The following APBA2 variants were observed in gnomAD, a reference collection of about 807,000 sequenced individuals.
APBA2 encodes amyloid-beta A4 precursor protein-binding family A member 2.
A neutral mutation model predicts 75.0 loss-of-function variants in APBA2; 30 were observed. That is an observed-to-expected ratio of 0.40 (90% CI 0.30 to 0.54). APBA2 has a LOEUF of 0.54. APBA2 is among the 20% of genes least tolerant of loss of function. APBA2 has a pLI of 0.49. For missense variants in APBA2, 801 were observed against 1,016.1 expected (o/e 0.79, Z 2.88); for synonymous variants, 444 against 409.6 (o/e 1.08, Z -1.01).
At chr15:28,892,317 C>T (rs955632274) in intron 1 of APBA2, among the ~76,000 whole-genome samples, 9 of 152,300 alleles carry the variant, frequency 5.9e-5, no homozygotes, top group East Asian at 5.8e-4. Flanking sequence ...CCTCATGATC[C>T]GCCCACCTCG....
intron 2 of APBA2, among the ~76,000 whole-genome samples, chr15:28,957,246 TAA>T (rs60656958): frequency 0.27 from 41,255 of 151,470 alleles, 10,583 homozygotes; most frequent in African/African-American, 0.66. Context: ...CTAATTTTTT[TAA>T]GTATTTTTAG....
chr15:29,098,873 C>T (rs2043982321), intron 9 of APBA2, among the ~76,000 whole-genome samples: 2 of 152,194 alleles, frequency 1.3e-5, no homozygotes, highest in African/African-American at 4.8e-5. Flanking sequence ...ACAGAGGAGG[C>T]AGCAGCCCCC....
chr15:28,962,508 A>G (rs577192027), intron 2 of APBA2, among the ~76,000 whole-genome samples: 4 of 152,166 alleles, frequency 2.6e-5, no homozygotes, highest in East Asian at 1.9e-4. Context: ...GGCGGAGGTT[A>G]CAGTGAGCAG....
intron 3 of APBA2, among the ~76,000 whole-genome samples, chr15:29,028,861 G>GT (rs542916441): frequency 2.6e-5 from 4 of 151,640 alleles, no homozygotes; most frequent in South Asian, 4.2e-4. Flanking sequence ...GGTTGTTTGG[G>GT]TTTTTTTTCT....
chr15:28,964,316 T>C (rs2036624312), intron 2 of APBA2, among the ~76,000 whole-genome samples: 1 of 152,190 alleles, frequency 6.6e-6, no homozygotes, highest in Admixed American at 6.5e-5. Flanking sequence ...CTTGCCAGCA[T>C]TTGGTGTTAT....
chr15:29,090,796 C>T (rs2043525315), intron 6 of APBA2, among the ~76,000 whole-genome samples: 2 of 152,126 alleles, frequency 1.3e-5, no homozygotes, highest in South Asian at 2.1e-4. Flanking sequence ...TCACTGGGGA[C>T]GGCAAGGTGG....
chr15:29,071,483 G>A (rs80281685), intron 4 of APBA2, among the ~76,000 whole-genome samples: 4,825 of 151,416 alleles, frequency 0.032, 172 homozygotes, highest in African/African-American at 0.078. Context: ...ATGGGACCCC[G>A]TGTCCTCTGT....
In APBA2 at chr15:29,104,444, T is replaced by A. The variant is rs536447129; in HGVS notation, c.1525-935T>A. Among the ~76,000 whole-genome samples, 3 of 152,350 alleles carry A rather than the reference T, an allele frequency of 2.0e-5. No homozygotes were observed. In the East Asian group the frequency reaches 5.8e-4, roughly 29 times the overall value. ...TCAGTACAGCCCTCACCTCCCACTGTCTCCTGTCTGCGCACCAGCAGGCGG... is the reference window on the plus strand; with the variant it reads ...TCAGTACAGCCCTCACCTCCCACTGACTCCTGTCTGCGCACCAGCAGGCGG... On this transcript the variant is annotated intron_variant, in intron 10 of 14. Transcript: ENST00000683413.
chr15:29,072,467 C>T (rs2042667176), intron 4 of APBA2, among the ~76,000 whole-genome samples: 1 of 152,174 alleles, frequency 6.6e-6, no homozygotes, highest in Non-Finnish European at 1.5e-5. Flanking sequence ...CCTTTGGAAG[C>T]TTTTGCTTGG....
intron 3 of APBA2, among the ~76,000 whole-genome samples, chr15:29,040,223 G>T (rs566794553): frequency 1.3e-5 from 2 of 152,206 alleles, no homozygotes; most frequent in Non-Finnish European, 2.9e-5. Flanking sequence ...AAGGTGGTGG[G>T]AAGAATCCCC....
chr15:29,065,464 A>G (rs1038106501), intron 4 of APBA2, among the ~76,000 whole-genome samples: 1 of 152,230 alleles, frequency 6.6e-6, no homozygotes, highest in African/African-American at 2.4e-5. Flanking sequence ...GTTACTATGA[A>G]GACATGTGAC....
intron 2 of APBA2, among the ~76,000 whole-genome samples, chr15:28,955,720 G>A (rs182760782): frequency 6.6e-6 from 1 of 151,310 alleles, no homozygotes; most frequent in Admixed American, 6.5e-5. Context: ...TGAGTGATTT[G>A]CATTAGAAAG....
Position 29,052,945 on chromosome 15 carries a change from G to A in APBA2, c.-40-900G>A, listed in dbSNP as rs146790435. On this transcript the variant is annotated intron_variant, in intron 3 of 14. Coordinates refer to ENST00000683413, the MANE Select transcript of APBA2 (RefSeq NM_001353788.2). ...TAAAGACATTAATCCATTCATGAGA[G>A]CACAGCCCTCATGACCTAATCACCT... Among the ~76,000 whole-genome samples the A allele has an allele frequency of 3.4e-3, 519 of 152,292 alleles. 2 individuals are homozygous for A. Among genetic ancestry groups the A allele is most frequent in the Middle Eastern group, 0.017 (5 of 294 alleles).
intron 3 of APBA2, among the ~76,000 whole-genome samples, chr15:29,000,361 G>T (rs1438539354): frequency 2.0e-5 from 3 of 152,196 alleles, no homozygotes; most frequent in Non-Finnish European, 4.4e-5. Flanking sequence ...AGCCTGAATG[G>T]AGGTTTGCTA....
intron 8 of APBA2, among the ~76,000 whole-genome samples, chr15:29,098,026 C>T (rs533270217): frequency 3.4e-4 from 52 of 152,296 alleles, no homozygotes; most frequent in African/African-American, 7.0e-4. Flanking sequence ...TGTGTCTGCG[C>T]GCCACATTTC....
intron 4 of APBA2, among the ~76,000 whole-genome samples, chr15:29,060,529 G>A (rs2042087195): frequency 6.6e-6 from 1 of 152,178 alleles, no homozygotes; most frequent in East Asian, 1.9e-4. Context: ...CCTGGAGAGT[G>A]ATGGTCTCTT....
At chr15:29,116,484 T>A (rs4779795) in intron 14 of APBA2, among the ~76,000 whole-genome samples, 1 of 151,690 alleles carries the variant, frequency 6.6e-6, no homozygotes, top group Non-Finnish European at 1.5e-5. Flanking sequence ...AAAAATTCGC[T>A]GGGTGTGGTG....
intron 2 of APBA2, among the ~76,000 whole-genome samples, chr15:28,940,801 A>G (rs2035176960): frequency 6.6e-6 from 1 of 152,182 alleles, no homozygotes; most frequent in African/African-American, 2.4e-5. Context: ...AGTTGAACCT[A>G]AATGCTTTGT....
chr15:29,070,141 A>G (rs2042555126), intron 4 of APBA2, among the ~76,000 whole-genome samples: 1 of 149,600 alleles, frequency 6.7e-6, no homozygotes, highest in South Asian at 2.1e-4. Flanking sequence ...TGGTTTTTCA[A>G]GATGAAAAAA....
Sources: gnomAD v4.1 joint callset for allele counts (sites outside exome capture counted in the v4.1 genomes callset) on GRCh38, gnomAD v4.1.1 for gene constraint, MANE v1.5 for transcripts, NCBI Gene and HGNC (gene_info 2026-07-23, HGNC 2026-07-21) for gene names.